Variants in RIMBP2 observed in about 807,000 individuals in gnomAD.
RIMBP2 encodes the protein RIMS binding protein 2.
Under a neutral mutation model 118.6 loss-of-function variants are expected in RIMBP2, and 48 were observed. The observed-to-expected ratio is 0.40, with a 90% CI of 0.32 to 0.51. The LOEUF is 0.51. RIMBP2 is among the 20% of genes least tolerant of loss of function. The pLI, the probability that RIMBP2 is intolerant of heterozygous loss-of-function variation, is 0.41. For synonymous variants in RIMBP2, 762 were observed against 742.9 expected, an observed-to-expected ratio of 1.03 and a Z score of -0.42; for missense variants, 1,551 against 1,768.3, an observed-to-expected ratio of 0.88 and a Z score of 2.20.
At chr12:130,522,214 T>G (rs1164603898) in intron 2 of RIMBP2, among the ~76,000 whole-genome samples, 1 of 152,212 alleles carries the variant, frequency 6.6e-6, no homozygotes, top group African/African-American at 2.4e-5. Flanking sequence ...CTAGCTGCTG[T>G]GTTGCAAAAT....
intron 1 of RIMBP2, among the ~76,000 whole-genome samples, chr12:130,663,287 T>G (rs1400104227): frequency 5.3e-5 from 8 of 152,134 alleles, no homozygotes; most frequent in Non-Finnish European, 1.0e-4. Context: ...GACAGCCCTG[T>G]CCATGCGCCC....
rs543489584 is a variant in RIMBP2, at chr12:130,620,966, C to T, written c.-217+7356G>A. ...GGGCCTGGGGCACCTGTGAGCCATC[C>T]TTGGCATGGTTACATTAGCCATGGG... On this transcript the variant is annotated intron_variant, in intron 2 of 22. Coordinates refer to ENST00000690449, the MANE Select transcript of RIMBP2 (RefSeq NM_001393629.1). The surrounding 1 kb of genome is among the most constrained non-coding windows in gnomAD (Gnocchi z 5.3). Among the ~76,000 whole-genome samples, 3 of 152,304 alleles carry T rather than the reference C, an allele frequency of 2.0e-5. No homozygotes were observed. In the South Asian group the frequency reaches 6.2e-4, roughly 32 times the overall value.
chr12:130,414,963 T>G (rs958410188), intron 17 of RIMBP2, among the ~76,000 whole-genome samples: 2 of 152,164 alleles, frequency 1.3e-5, no homozygotes, highest in East Asian at 1.9e-4. Context: ...ACTGCTGAAT[T>G]CTACCAACAT....
chr12:130,640,235 C>A (rs2062557479), intron 1 of RIMBP2, among the ~76,000 whole-genome samples: 1 of 152,204 alleles, frequency 6.6e-6, no homozygotes, highest in African/African-American at 2.4e-5. Flanking sequence ...ACAATGTGTA[C>A]CTGAGCTCAG....
intron 2 of RIMBP2, among the ~76,000 whole-genome samples, chr12:130,577,269 G>A (rs1284513139): frequency 1.3e-5 from 2 of 152,160 alleles, no homozygotes; most frequent in Non-Finnish European, 2.9e-5. Context: ...ACCATATGTG[G>A]CTCACTGGGT....
chr12:130,428,428 C>T (rs375963417), intron 14 of RIMBP2, 91 bp from the exon 15 acceptor site: 169 of 1,366,336 alleles, frequency 1.2e-4, no homozygotes, highest in East Asian at 1.0e-3. Context: ...TTCCCTGCTT[C>T]GCTGACTCAC....
intron 21 of RIMBP2, among the ~76,000 whole-genome samples, chr12:130,400,270 A>G (rs1357694460): frequency 6.6e-6 from 1 of 152,184 alleles, no homozygotes; most frequent in Non-Finnish European, 1.5e-5. Flanking sequence ...CTTGAGCGCT[A>G]CTGGTCTACT....
chr12:130,460,086 G>A (rs546303995), intron 6 of RIMBP2, among the ~76,000 whole-genome samples: 2 of 152,328 alleles, frequency 1.3e-5, no homozygotes, highest in East Asian at 3.9e-4. Flanking sequence ...GTCCAAGGGA[G>A]ACAGAAAACG....
chr12:130,550,449 G>A (rs2055645300), intron 2 of RIMBP2, among the ~76,000 whole-genome samples: 1 of 152,224 alleles, frequency 6.6e-6, no homozygotes, highest in Admixed American at 6.5e-5. Flanking sequence ...TCAAATGAAA[G>A]TAATTCTGAA....
intron 2 of RIMBP2, among the ~76,000 whole-genome samples, chr12:130,587,843 GAA>G (rs904954927): frequency 7.4e-6 from 1 of 135,740 alleles, no homozygotes; most frequent in African/African-American, 2.8e-5. Flanking sequence ...AAAAAAAAAA[GAA>G]AAAAAAAAGA....
At chr12:130,601,591 T>G (rs1409148467) in intron 2 of RIMBP2, among the ~76,000 whole-genome samples, 2 of 152,136 alleles carry the variant, frequency 1.3e-5, no homozygotes, top group Non-Finnish European at 2.9e-5. Context: ...TGGGGAGAGG[T>G]TTATGAGCTC....
intron 6 of RIMBP2, among the ~76,000 whole-genome samples, chr12:130,458,165 A>G (rs190237296): frequency 0.012 from 1,833 of 151,990 alleles, 7 homozygotes; most frequent in Middle Eastern, 0.024. Flanking sequence ...TCCAGAATGA[A>G]GCACTATTTA....
intron 2 of RIMBP2, among the ~76,000 whole-genome samples, chr12:130,606,216 T>TA (rs1566353442): frequency 6.6e-6 from 1 of 152,178 alleles, no homozygotes; most frequent in African/African-American, 2.4e-5. Context: ...TGAGAGTCTA[T>TA]ATGGTGGGAA....
chr12:130,531,990 C>T (rs1364799670), intron 2 of RIMBP2, among the ~76,000 whole-genome samples: 3 of 96,654 alleles, frequency 3.1e-5, no homozygotes, highest in African/African-American at 1.4e-4. Flanking sequence ...CTAGGAGGTA[C>T]GTCTAATGAG....
intron 2 of RIMBP2, among the ~76,000 whole-genome samples, chr12:130,618,427 T>C (rs960394921): frequency 1.2e-4 from 19 of 152,282 alleles, no homozygotes; most frequent in Non-Finnish European, 2.6e-4. Context: ...CCACAGCGGA[T>C]CCTACTGGCC....
chr12:130,518,605 G>A (rs530066972), intron 2 of RIMBP2, among the ~76,000 whole-genome samples: 2 of 152,288 alleles, frequency 1.3e-5, no homozygotes, highest in Admixed American at 6.5e-5. Context: ...AGAGAGGCAA[G>A]AGGGAGAAAA....
chr12:130,503,344 T>G, intron 4 of RIMBP2, among the ~76,000 whole-genome samples: 1 of 151,516 alleles, frequency 6.6e-6, no homozygotes. Flanking sequence ...TGCAGTGAGT[T>G]GAGATCATGC....
intron 2 of RIMBP2, among the ~76,000 whole-genome samples, chr12:130,606,382 G>T (rs1412827545): frequency 1.3e-5 from 2 of 152,170 alleles, no homozygotes; most frequent in Non-Finnish European, 2.9e-5. Context: ...GGAAGCATGG[G>T]GTTTGCAGAG....
intron 16 of RIMBP2, among the ~76,000 whole-genome samples, chr12:130,423,582 A>G (rs990212733): frequency 1.3e-5 from 2 of 151,358 alleles, no homozygotes; most frequent in African/African-American, 2.4e-5. Context: ...AAGGCTGATC[A>G]TGGAAAATTT....
Sources: gnomAD v4.1 joint callset for allele counts (sites outside exome capture counted in the v4.1 genomes callset) on GRCh38, gnomAD v4.1.1 for gene constraint, Gnocchi (gnomAD v3.1) non-coding constraint, MANE v1.5 for transcripts, NCBI Gene and HGNC (gene_info 2026-07-23, HGNC 2026-07-21) for gene names.